MYO18A: variants seen among roughly 807,000 people sequenced by gnomAD.
MYO18A encodes unconventional myosin-XVIIIa.
Under a neutral mutation model 235.8 loss-of-function variants are expected in MYO18A, and 78 were observed. The observed-to-expected ratio is 0.33, with a 90% CI of 0.28 to 0.40. The LOEUF (loss-of-function observed/expected upper bound fraction) is 0.40, where lower values mean the gene tolerates loss of function less well. Among genes scored for constraint, MYO18A ranks in the 10% least tolerant of loss-of-function variants. The probability of loss-of-function intolerance (pLI) is 1.00; values close to 1 mark genes in which losing one functional copy is unlikely to be tolerated. For synonymous variants in MYO18A, 977 were observed against 1,077.8 expected, an observed-to-expected ratio of 0.91 and a Z score of 1.83; for missense variants, 2,215 against 2,699.3, an observed-to-expected ratio of 0.82 and a Z score of 3.98.
intron 41 of MYO18A, among the ~76,000 whole-genome samples, chr17:29,079,531 A>ACAGGGCT (rs910769700): frequency 4.6e-5 from 7 of 152,348 alleles, no homozygotes; most frequent in African/African-American, 9.6e-5. Flanking sequence ...AGTTCAGCTG[A>ACAGGGCT]CAGGGCTCAG....
At chr17:29,178,981 A>G (rs2068591471) in intron 1 of MYO18A, among the ~76,000 whole-genome samples, 1 of 152,214 alleles carries the variant, frequency 6.6e-6, no homozygotes, top group Admixed American at 6.5e-5. Context: ...CTTCTCGGCC[A>G]CAGACACGCC....
Position 29,164,921 on chromosome 17 carries a change from CT to C in MYO18A, c.999+1020del, listed in dbSNP as rs565313135. On this transcript the variant is annotated intron_variant, in intron 2 of 41. Transcript: ENST00000527372. Reference sequence around the variant, plus strand: ...ATCTGTGTAGGTTTTATCCCTCTTGCTTTTCCAGGTCCATGCTTTTTCTCCT... The same window carrying C: ...ATCTGTGTAGGTTTTATCCCTCTTGCTTTCCAGGTCCATGCTTTTTCTCCT... Among the ~76,000 whole-genome samples the C allele has an allele frequency of 4.0e-4, 61 of 152,314 alleles. 3 individuals are homozygous for C. In the South Asian group the frequency reaches 0.012, roughly 31 times the overall value.
intron 2 of MYO18A, chr17:29,128,265 C>A: frequency 8.5e-7 from 1 of 1,175,122 alleles, no homozygotes; most frequent in Admixed American, 3.7e-5. Flanking sequence ...GTCGGGTGCT[C>A]GGGGGACTTG....
intron 37 of MYO18A, among the ~76,000 whole-genome samples, chr17:29,088,261 A>G (rs898793259): frequency 3.3e-5 from 5 of 151,560 alleles, no homozygotes; most frequent in African/African-American, 4.9e-5. Flanking sequence ...TCACCGTGTT[A>G]GCCAGGATGG....
chr17:29,129,196 G>A, intron 2 of MYO18A: 1 of 1,033,338 alleles, frequency 9.7e-7, no homozygotes, highest in Admixed American at 2.3e-5. Context: ...TCCCTCGTCT[G>A]CGGCCACTGT....
At chr17:29,076,731 T>C (rs556405032) in intron 41 of MYO18A, 32 of 152,344 alleles carry the variant, frequency 2.1e-4, no homozygotes, top group Middle Eastern at 3.4e-3. Context: ...TTGTTTGAAT[T>C]CTAAATTAGT....
At chr17:29,116,317 T>C (rs2067058702) in intron 11 of MYO18A, 127 bp downstream of exon 11, 1 of 1,047,304 alleles carries the variant, frequency 9.5e-7, no homozygotes, top group African/African-American at 1.6e-5. Context: ...CACCCACTGA[T>C]GGCCCAACAG....
Position 29,111,773 on chromosome 17 carries a change from G to A in MYO18A, c.2689C>T (p.Leu897Phe). The part of the protein sequence containing the change: ...ALVPGASEDT[L>F]LERLFSYYGP... ...TAATAGGAGAAAAGGCGCTCCAGGA[G>A]GGTGTCCTCACTGGCCCCTGGCACC... is the stretch of plus-strand genomic sequence containing the variant. Residue 897 changes from leucine (L) to phenylalanine (F), a missense_variant, in exon 16 of 42, where the codon CTC becomes TTC. Leu to Phe is a conservative substitution (Grantham distance 22). Coordinates refer to ENST00000527372, the MANE Select transcript of MYO18A (RefSeq NM_078471.4). The surrounding 1 kb of genome is among the most constrained non-coding windows in gnomAD (Gnocchi z 5.1). The A allele has an allele frequency of 6.2e-7, 1 of 1,613,854 alleles. No individual in the cohort carries two copies. The highest frequency in any genetic ancestry group is 8.5e-7 in the Non-Finnish European group (1 of 1,179,814).
intron 41 of MYO18A, chr17:29,080,104 T>G: frequency 1.0e-6 from 1 of 985,840 alleles, no homozygotes; most frequent in Non-Finnish European, 1.2e-6. Flanking sequence ...CCGGGACACA[T>G]CAGCAGCAGA....
rs1296706594 is a variant in MYO18A, at chr17:29,106,745, A to G, written c.3441+335T>C. On this transcript the variant is annotated intron_variant, in intron 20 of 41. Transcript: ENST00000527372. This position sits in a 1 kb window ranked among gnomAD's most constrained non-coding sequence, Gnocchi z 4.6. ...TGGACAGCTTCCTGCTTCAGGAACC[A>G]ATCCCTGACATGGGGGCCCAGGTGC... is the stretch of plus-strand genomic sequence containing the variant. Among the ~76,000 whole-genome samples the G allele has an allele frequency of 6.6e-6, 1 of 152,196 alleles. No homozygotes were observed. The highest frequency in any genetic ancestry group is 1.5e-5 in the Non-Finnish European group (1 of 68,018).
chr17:29,110,259 G>A (rs991531179), intron 18 of MYO18A, among the ~76,000 whole-genome samples, 158 bp from the exon 19 acceptor site: 1 of 152,160 alleles, frequency 6.6e-6, no homozygotes, highest in African/African-American at 2.4e-5. Context: ...GCCGGGCCTC[G>A]GTGGCCACTC....
intron 41 of MYO18A, chr17:29,076,333 A>AG (rs1322171915): frequency 6.5e-5 from 8 of 123,834 alleles, no homozygotes; most frequent in African/African-American, 2.6e-4. Flanking sequence ...TTGACCTGAG[A>AG]TTAAAAAAAA....
intron 2 of MYO18A, among the ~76,000 whole-genome samples, chr17:29,160,833 G>A (rs1478140830): frequency 6.6e-6 from 1 of 152,240 alleles, no homozygotes; most frequent in Non-Finnish European, 1.5e-5. Context: ...TCCACCAGGA[G>A]AAGTACCCCT....
In MYO18A at chr17:29,127,590, C is replaced by A. The variant is rs533572032; in HGVS notation, c.1000-5337G>T. ...TGGCGCCATGTAGCTGGGGACCAGG[C>A]CCTGACTCCCTATGGCAAGGCCAAC... On this transcript the variant is annotated intron_variant, in intron 2 of 41. Transcript: ENST00000527372. 5.3e-5 allele frequency among the ~76,000 whole-genome samples: 8 copies of A among 152,350 alleles called. 1 individual carries two copies. The South Asian group carries it at 1.7e-3, about 32-fold the overall frequency.
At chr17:29,099,517 C>A in intron 22 of MYO18A, 117 bp downstream of exon 22, 1 of 1,375,520 alleles carries the variant, frequency 7.3e-7, no homozygotes, top group Non-Finnish European at 9.7e-7. Flanking sequence ...CCACCCTGGC[C>A]CAGGACATGG....
intron 2 of MYO18A, among the ~76,000 whole-genome samples, chr17:29,149,380 G>T (rs2067921333): frequency 6.6e-6 from 1 of 152,250 alleles, no homozygotes; most frequent in Non-Finnish European, 1.5e-5. Flanking sequence ...AGAGGGGCTT[G>T]TCTAGAGACA....
chr17:29,111,768 C>T lies in MYO18A; in HGVS notation c.2694G>A (p.Leu898=). ...GGCCATAATAGGAGAAAAGGCGCTC[C>T]AGGAGGGTGTCCTCACTGGCCCCTG... is the stretch of plus-strand genomic sequence containing the variant. ...LVPGASEDTL[L]ERLFSYYGPQ... Residue 898 remains leucine (L), a synonymous_variant, in exon 16 of 42, where the codon CTG becomes CTA. Coordinates refer to ENST00000527372, the MANE Select transcript of MYO18A (RefSeq NM_078471.4). The surrounding 1 kb of genome is among the most constrained non-coding windows in gnomAD (Gnocchi z 5.1). 1.9e-6 allele frequency: 3 copies of T among 1,613,822 alleles called. No individual in the cohort carries two copies. Among genetic ancestry groups the T allele is most frequent in the Non-Finnish European group, 2.5e-6 (3 of 1,179,808 alleles).
Position 29,115,461 on chromosome 17 carries a change from G to A in MYO18A, c.2228-20C>T, listed in dbSNP as rs747091061. The A allele has an allele frequency of 1.9e-6, 3 of 1,610,096 alleles. No individual in the cohort carries two copies. The highest frequency in any genetic ancestry group is 1.3e-5 in the African/African-American group (1 of 74,872). ...TCGGGCCTGTGGGGCAGGGGGAGCA[G>A]CGCTATCTCCTTCTCCCCAGGGCTC... On this transcript the variant is annotated intron_variant, in intron 12 of 41. Transcript: ENST00000527372.
rs1277913118 is a variant in MYO18A at position 29,117,486 on chromosome 17, A to G, written c.2038+559T>C. On this transcript the variant is annotated intron_variant, in intron 10 of 41. Transcript: ENST00000527372. The surrounding 1 kb of genome is among the most constrained non-coding windows in gnomAD (Gnocchi z 4.6). Reference sequence around the variant, plus strand: ...AGAGGTTCCAGGATTCAGATCTAAAACTGGCAGGAGAAGCAGCTACTCCTG... The same window carrying G: ...AGAGGTTCCAGGATTCAGATCTAAAGCTGGCAGGAGAAGCAGCTACTCCTG... Among the ~76,000 whole-genome samples the G allele has an allele frequency of 1.3e-5, 2 of 151,900 alleles. No individual in the cohort carries two copies. The highest frequency in any genetic ancestry group is 2.9e-5 in the Non-Finnish European group (2 of 67,976).
Sources: gnomAD v4.1 joint callset for allele counts (sites outside exome capture counted in the v4.1 genomes callset) on GRCh38, gnomAD v4.1.1 for gene constraint, Gnocchi (gnomAD v3.1) non-coding constraint, MANE v1.5 for transcripts, NCBI Gene and HGNC (gene_info 2026-07-23, HGNC 2026-07-21) for gene names.